Variants in PLAG1 observed in about 807,000 individuals in gnomAD.
PLAG1 encodes the protein PLAG1 zinc finger.
In PLAG1, 7 loss-of-function variants were observed where a neutral mutation model predicts 35.5. The ratio of observed to expected loss-of-function variants is 0.20; its 90% CI spans 0.11 to 0.37. The LOEUF (loss-of-function observed/expected upper bound fraction) is 0.37, where lower values mean the gene tolerates loss of function less well. PLAG1 is among the 10% of genes least tolerant of loss of function. The pLI, the probability that PLAG1 is intolerant of heterozygous loss-of-function variation, is 1.00. For missense variants in PLAG1, 454 were observed against 602.8 expected (o/e 0.75, Z 2.58); for synonymous variants, 229 against 225.4 (o/e 1.02, Z -0.14).
intron 1 of PLAG1, among the ~76,000 whole-genome samples, chr8:56,210,439 C>CA (rs1479571501): frequency 1.3e-5 from 2 of 150,628 alleles, no homozygotes; most frequent in African/African-American, 4.9e-5. Context: ...CCCGGGCTCA[C>CA]ACCTCCCTGC....
Position 56,195,677 on chromosome 8 carries a change from C to T in PLAG1, c.-322+15444G>A, listed in dbSNP as rs569579290. Among the ~76,000 whole-genome samples the T allele has an allele frequency of 2.4e-4, 36 of 152,280 alleles. No homozygotes were observed. The South Asian group carries it at 6.4e-3, about 27-fold the overall frequency. ...CATAGCCAGCAGCTGGAGAGATCAC[C>T]GAGCAGGTTCCCTTGCCTGAGGCCA... is the stretch of plus-strand genomic sequence containing the variant. On this transcript the variant is annotated intron_variant, in intron 1 of 4. Coordinates refer to ENST00000316981, the MANE Select transcript of PLAG1 (RefSeq NM_002655.3).
chr8:56,190,890 G>T (rs1256620092), intron 1 of PLAG1, among the ~76,000 whole-genome samples: 4 of 152,176 alleles, frequency 2.6e-5, no homozygotes, highest in Non-Finnish European at 4.4e-5. Context: ...TTTCAAGGAT[G>T]AGTAGGTATT....
At chr8:56,201,533 C>G (rs1171380160) in intron 1 of PLAG1, among the ~76,000 whole-genome samples, 4 of 152,134 alleles carry the variant, frequency 2.6e-5, no homozygotes, top group Admixed American at 2.6e-4. Flanking sequence ...ACTCTGTCAA[C>G]TCTATGCCTG....
chr8:56,192,619 A>C (rs1202271724), intron 1 of PLAG1, among the ~76,000 whole-genome samples: 1 of 152,244 alleles, frequency 6.6e-6, no homozygotes, highest in Non-Finnish European at 1.5e-5. Flanking sequence ...ATTTTTTAAA[A>C]TGATGGGAAC....
Position 56,166,816 on chromosome 8 carries a change from A to G in PLAG1, c.930T>C (p.Thr310=). The change falls in exon 5 of 5, where the codon ACT becomes ACC. Residue 310 remains threonine, a synonymous_variant. Coordinates refer to ENST00000316981, the MANE Select transcript of PLAG1 (RefSeq NM_002655.3). ...SSGSAHQMIT[T]LPLGMTCPID... The stretch of plus-strand genomic sequence containing the variant: ...TTGGGCATGTCATTCCCAAAGGTAA[A>G]GTTGTGATCATTTGGTGGGCAGATC... 6.2e-7 allele frequency: 1 copy of G among 1,614,078 alleles called. No individual in the cohort carries two copies. The highest frequency in any genetic ancestry group is 8.5e-7 in the Non-Finnish European group (1 of 1,179,962).
intron 1 of PLAG1, among the ~76,000 whole-genome samples, chr8:56,187,176 A>G (rs745695524): frequency 7.9e-5 from 12 of 151,850 alleles, no homozygotes; most frequent in Admixed American, 6.6e-4. Flanking sequence ...ATGATGATAC[A>G]CTCCTCAGTT....
intron 1 of PLAG1, among the ~76,000 whole-genome samples, chr8:56,199,788 A>G (rs1021894062): frequency 6.6e-6 from 1 of 152,142 alleles, no homozygotes; most frequent in African/African-American, 2.4e-5. Flanking sequence ...TCCAGAGGTA[A>G]AGAGGGCACT....
intron 1 of PLAG1, among the ~76,000 whole-genome samples, chr8:56,201,189 G>A (rs1812538210): frequency 1.3e-5 from 2 of 152,274 alleles, no homozygotes; most frequent in South Asian, 2.1e-4. Context: ...AAGATCATCA[G>A]TGGCATTTTT....
At chr8:56,195,935 A>G (rs1477915488) in intron 1 of PLAG1, among the ~76,000 whole-genome samples, 2 of 152,170 alleles carry the variant, frequency 1.3e-5, no homozygotes, top group Non-Finnish European at 2.9e-5. Context: ...GTGAGCAGTG[A>G]TATCAAGATG....
chr8:56,185,264 G>A lies in PLAG1; in HGVS notation c.-321-5751C>T, dbSNP rs139342257. 2.2e-3 allele frequency among the ~76,000 whole-genome samples: 330 copies of A among 152,124 alleles called. 1 individual carries two copies. Among genetic ancestry groups the A allele is most frequent in the African/African-American group, 7.3e-3 (302 of 41,492 alleles). On this transcript the variant is annotated intron_variant, in intron 1 of 4. Coordinates refer to ENST00000316981, the MANE Select transcript of PLAG1 (RefSeq NM_002655.3). ...CCATGAGCAAACTTTTAGAAATGAC[G>A]GATATGCTCACTATGTTGACAATGG... is the stretch of plus-strand genomic sequence containing the variant.
At chr8:56,171,826 G>C (rs1377960794) in intron 2 of PLAG1, among the ~76,000 whole-genome samples, 1 of 152,208 alleles carries the variant, frequency 6.6e-6, no homozygotes, top group Non-Finnish European at 1.5e-5. Context: ...AGGGGTGTTA[G>C]GAAGAGAGCA....
chr8:56,179,387 T>A (rs77999699), intron 2 of PLAG1, 22 bp downstream of exon 2: 4,800 of 307,286 alleles, frequency 0.016, 234 homozygotes, highest in African/African-American at 0.1. Context: ...AGTCATGCCA[T>A]ATAATGATAA....
rs1811372274 is a variant in PLAG1, at chr8:56,166,846, G to A, written c.900C>T (p.Ser300=). ...TGATCATTTGGTGGGCAGATCCCGA[G>A]CTCTGCATGGACTGAAATGGAGTGT... ...LYNTPFQSMQ[S]SGSAHQMITT... Residue 300 remains serine (S), a synonymous_variant, in exon 5 of 5, where the codon AGC becomes AGT. Transcript: ENST00000316981. 2 of 1,613,992 alleles carry A rather than the reference G, an allele frequency of 1.2e-6. No homozygotes were observed. Among genetic ancestry groups the A allele is most frequent in the African/African-American group, 1.3e-5 (1 of 74,924 alleles).
In PLAG1 at chr8:56,163,210, C is replaced by CTTT. The variant is rs34779318; in HGVS notation, c.*3030_*3032dup. 2,607 of 97,212 alleles carry CTTT rather than the reference C, an allele frequency of 0.027. 99 individuals are homozygous for CTTT. Among genetic ancestry groups the CTTT allele is most frequent in the South Asian group, 0.04 (112 of 2,820 alleles). The allele number at this position is 97,212 out of a possible 1,614,324, so 6.0% of individuals were successfully genotyped here. On this transcript the variant is annotated 3_prime_UTR_variant, in exon 5 of 5. Coordinates refer to ENST00000316981, the MANE Select transcript of PLAG1 (RefSeq NM_002655.3). ...AACTACTTTTATTTAATGTTAATCC[C>CTTT]TTTTTTTTTTTTTTTTTTTTTTTTT...
chr8:56,208,162 C>G (rs540483136), intron 1 of PLAG1, among the ~76,000 whole-genome samples: 2 of 151,968 alleles, frequency 1.3e-5, no homozygotes, highest in South Asian at 4.1e-4. Flanking sequence ...ATTTTAAATG[C>G]ACAGCATAAT....
intron 1 of PLAG1, among the ~76,000 whole-genome samples, chr8:56,201,947 T>C (rs2129234524): frequency 6.6e-6 from 1 of 150,898 alleles, no homozygotes; most frequent in South Asian, 2.1e-4. Flanking sequence ...CATAAACAGT[T>C]TCTTTTTGGG....
chr8:56,193,978 A>G (rs1275284696), intron 1 of PLAG1, among the ~76,000 whole-genome samples: 1 of 152,106 alleles, frequency 6.6e-6, no homozygotes, highest in Non-Finnish European at 1.5e-5. Context: ...TCGGCCTTCC[A>G]AAGTGCTGGG....
intron 1 of PLAG1, among the ~76,000 whole-genome samples, chr8:56,200,756 C>A (rs760103755): frequency 9.2e-5 from 14 of 152,286 alleles, no homozygotes; most frequent in Non-Finnish European, 1.8e-4. Flanking sequence ...CTTGCCAATT[C>A]CTAACTCATG....
In PLAG1 at chr8:56,166,217, C is replaced by T; in HGVS notation, c.*26G>A. 1 of 1,511,752 alleles carries T rather than the reference C, an allele frequency of 6.6e-7. No individual in the cohort carries two copies. The highest frequency in any genetic ancestry group is 1.3e-5 in the South Asian group (1 of 76,426). 93.6% of individuals were successfully genotyped at this position (1,511,752 alleles called of 1,614,324 possible). Reference sequence around the variant, plus strand: ...CTAGGGCACAGCTACACATACATTTCTGTAATGAATCCATGTCCCAGAATC... The same window carrying T: ...CTAGGGCACAGCTACACATACATTTTTGTAATGAATCCATGTCCCAGAATC... On this transcript the variant is annotated 3_prime_UTR_variant, in exon 5 of 5. Coordinates refer to ENST00000316981, the MANE Select transcript of PLAG1 (RefSeq NM_002655.3).
Sources: gnomAD v4.1 joint callset for allele counts (sites outside exome capture counted in the v4.1 genomes callset) on GRCh38, gnomAD v4.1.1 for gene constraint, MANE v1.5 for transcripts, NCBI Gene and HGNC (gene_info 2026-07-23, HGNC 2026-07-21) for gene names.